Variants in SETBP1 observed in about 807,000 individuals in gnomAD.
The protein encoded by SETBP1 is SET binding protein 1.
Under a neutral mutation model 101.0 loss-of-function variants are expected in SETBP1, and 9 were observed. The ratio of observed to expected loss-of-function variants is 0.09; its 90% CI spans 0.05 to 0.16. The LOEUF is 0.16. Ranked by LOEUF, SETBP1 falls within the 10% of genes least tolerant of loss-of-function variation. The pLI, the probability that SETBP1 is intolerant of heterozygous loss-of-function variation, is 1.00. For synonymous variants in SETBP1, 818 were observed against 788.5 expected (o/e 1.04, Z -0.63); for missense variants, 1,858 against 2,033.8 (o/e 0.91, Z 1.66).
At chr18:44,755,953 C>CA (rs1435673754) in intron 2 of SETBP1, among the ~76,000 whole-genome samples, 1 of 152,154 alleles carries the variant, frequency 6.6e-6, no homozygotes, top group East Asian at 1.9e-4. Context: ...CGGTGGCTCA[C>CA]ACCTGTAATC....
chr18:44,985,096 AT>A (rs1460847430), intron 4 of SETBP1, among the ~76,000 whole-genome samples: 1 of 152,196 alleles, frequency 6.6e-6, no homozygotes, highest in East Asian at 1.9e-4. Flanking sequence ...AGCGGAGATC[AT>A]GCCATTGCAC....
intron 1 of SETBP1, among the ~76,000 whole-genome samples, chr18:44,684,768 T>C: frequency 6.6e-6 from 1 of 152,026 alleles, no homozygotes; most frequent in Admixed American, 6.6e-5. Flanking sequence ...TGCCTCAGCC[T>C]CCCAAATAGC....
chr18:45,047,871 T>A lies in SETBP1; in HGVS notation c.4171+9216T>A, dbSNP rs181294551. On this transcript the variant is annotated intron_variant, in intron 5 of 5. Coordinates refer to ENST00000649279, the MANE Select transcript of SETBP1 (RefSeq NM_015559.3). ...AAAGACAGAGAGAGAGAGAGAGAGATCACTCACCTGTCTGCTCTCTCCATT... is the reference window on the plus strand; with the variant it reads ...AAAGACAGAGAGAGAGAGAGAGAGAACACTCACCTGTCTGCTCTCTCCATT... 2.5e-4 allele frequency among the ~76,000 whole-genome samples: 38 copies of A among 151,470 alleles called. 1 individual carries two copies. In the South Asian group the frequency reaches 6.5e-3, roughly 26 times the overall value.
rs151078036 is a variant in SETBP1, at chr18:45,021,203, C to T, written c.4001-17282C>T. Among the ~76,000 whole-genome samples, 118 of 152,288 alleles carry T rather than the reference C, an allele frequency of 7.7e-4. 1 individual carries two copies. The East Asian group carries it at 0.021, about 27-fold the overall frequency. The stretch of plus-strand genomic sequence containing the variant: ...TATCTATAACTTACTGGACTGACTT[C>T]AGTTTGCAAATTAAACAAGGCATGA... On this transcript the variant is annotated intron_variant, in intron 4 of 5. Transcript: ENST00000649279.
At chr18:44,992,313 CA>C (rs1400413683) in intron 4 of SETBP1, among the ~76,000 whole-genome samples, 1 of 151,964 alleles carries the variant, frequency 6.6e-6, no homozygotes, top group Non-Finnish European at 1.5e-5. Flanking sequence ...ATAAAGCCGA[CA>C]TTTTTTTTAA....
chr18:44,793,835 C>T (rs769212135), intron 2 of SETBP1, among the ~76,000 whole-genome samples: 4 of 152,180 alleles, frequency 2.6e-5, no homozygotes, highest in Non-Finnish European at 5.9e-5. Flanking sequence ...CATGTCATTC[C>T]AGTCTCTCTT....
At chr18:44,875,667 G>C (rs2069386668) in intron 3 of SETBP1, among the ~76,000 whole-genome samples, 1 of 151,962 alleles carries the variant, frequency 6.6e-6, no homozygotes, top group African/African-American at 2.4e-5. Flanking sequence ...ATATACCAAG[G>C]ACTTAGTATA....
intron 3 of SETBP1, among the ~76,000 whole-genome samples, chr18:44,873,349 C>A (rs1463128486): frequency 6.6e-6 from 1 of 152,170 alleles, no homozygotes; most frequent in African/African-American, 2.4e-5. Flanking sequence ...GCTTATTTCA[C>A]AGAGAGTATG....
At position 44,817,711 on chromosome 18, in the gene SETBP1, G is replaced by T. The variant is rs200330536; in HGVS notation, c.487-51519G>T. 2.0e-4 allele frequency among the ~76,000 whole-genome samples: 30 copies of T among 151,576 alleles called. No homozygotes were observed. In the East Asian group the frequency reaches 5.6e-3, roughly 28 times the overall value. ...AAAAAAAAAAAAGAAAAAAAAAAAGGCTTCACACATGAGTGTTGTCTTGTG... is the reference window on the plus strand; with the variant it reads ...AAAAAAAAAAAAGAAAAAAAAAAAGTCTTCACACATGAGTGTTGTCTTGTG... On this transcript the variant is annotated intron_variant, in intron 2 of 5. Transcript: ENST00000649279.
At chr18:44,834,669 G>A (rs923507578) in intron 2 of SETBP1, among the ~76,000 whole-genome samples, 3 of 152,308 alleles carry the variant, frequency 2.0e-5, no homozygotes, top group South Asian at 4.1e-4. Context: ...CTGTACACTC[G>A]TCAAATGTCA....
chr18:44,710,064 A>G (rs1242490900), intron 2 of SETBP1, among the ~76,000 whole-genome samples: 1 of 151,956 alleles, frequency 6.6e-6, no homozygotes, highest in African/African-American at 2.4e-5. Context: ...GCAATTTTAC[A>G]TCCTCAAAAA....
rs75520094 is a variant in SETBP1, at chr18:44,830,967, G to C, written c.487-38263G>C. On this transcript the variant is annotated intron_variant, in intron 2 of 5. Coordinates refer to ENST00000649279, the MANE Select transcript of SETBP1 (RefSeq NM_015559.3). ...CATTCCACAAAGCATTGGGAGGATG[G>C]GGAATATGTATCATTTGGAGAAACT... Among the ~76,000 whole-genome samples, 567 of 152,300 alleles carry C rather than the reference G, an allele frequency of 3.7e-3. 10 individuals carry two copies. In the South Asian group the frequency reaches 0.038, roughly 10 times the overall value.
chr18:44,773,229 A>G (rs2144643654), intron 2 of SETBP1, among the ~76,000 whole-genome samples: 2 of 152,356 alleles, frequency 1.3e-5, no homozygotes, highest in East Asian at 3.9e-4. Context: ...AGATCTCTGC[A>G]CTATCTATTA....
chr18:44,957,870 A>G (rs2071525255), intron 4 of SETBP1, among the ~76,000 whole-genome samples: 5 of 152,246 alleles, frequency 3.3e-5, no homozygotes, highest in African/African-American at 1.2e-4. Flanking sequence ...CCAGGAATAA[A>G]GAGAGTAAAA....
chr18:44,697,066 G>C (rs1329831344), intron 1 of SETBP1: 2 of 152,272 alleles, frequency 1.3e-5, no homozygotes, highest in East Asian at 3.8e-4. Context: ...AGTACAGAGT[G>C]TCCATTGTGT....
intron 2 of SETBP1, among the ~76,000 whole-genome samples, chr18:44,761,378 G>A (rs1166921659): frequency 2.0e-5 from 3 of 152,076 alleles, no homozygotes; most frequent in Non-Finnish European, 2.9e-5. Flanking sequence ...CTTTCTATCT[G>A]ACTATAACTT....
At chr18:44,760,364 T>A (rs2070610886) in intron 2 of SETBP1, among the ~76,000 whole-genome samples, 1 of 152,120 alleles carries the variant, frequency 6.6e-6, no homozygotes, top group Non-Finnish European at 1.5e-5. Flanking sequence ...GCTTAACCTA[T>A]AAATTATCAG....
intron 2 of SETBP1, among the ~76,000 whole-genome samples, chr18:44,802,768 C>T (rs62090593): frequency 0.059 from 8,913 of 152,230 alleles, 356 homozygotes; most frequent in East Asian, 0.14. Context: ...TCAGGTCAAG[C>T]ATGGCTTTCT....
intron 5 of SETBP1, among the ~76,000 whole-genome samples, chr18:45,045,080 G>A (rs1301618661): frequency 1.3e-5 from 2 of 151,830 alleles, no homozygotes; most frequent in East Asian, 1.9e-4. Flanking sequence ...TCAGGAGTCC[G>A]AGACCAGCCT....
Sources: allele counts gnomAD v4.1 joint callset (sites outside exome capture counted in the v4.1 genomes callset), GRCh38; gene constraint gnomAD v4.1.1; transcripts MANE v1.5; gene names NCBI Gene and HGNC (gene_info 2026-07-23, HGNC 2026-07-21).